The following POU6F1 variants were observed in gnomAD, a reference collection of about 807,000 sequenced individuals.
POU6F1 encodes the protein POU domain, class 6, transcription factor 1.
A neutral mutation model predicts 28.9 loss-of-function variants in POU6F1; 9 were observed. That is an observed-to-expected ratio of 0.31 (90% CI 0.19 to 0.54). The LOEUF (loss-of-function observed/expected upper bound fraction) is 0.54. POU6F1 is among the 20% of genes least tolerant of loss of function. The pLI is 0.94. For synonymous variants in POU6F1, 173 were observed against 171.1 expected (o/e 1.01, Z -0.09); for missense variants, 338 against 426.1 (o/e 0.79, Z 1.82).
At chr12:51,191,843 G>A in intron 9 of POU6F1, 79 bp from the exon 10 acceptor site, 1 of 1,545,780 alleles carries the variant, frequency 6.5e-7, no homozygotes, top group Non-Finnish European at 8.9e-7. Context: ...GGTCTGAACT[G>A]ACGCAGTAGT....
intron 10 of POU6F1, 119 bp downstream of exon 10, chr12:51,191,477 G>C: frequency 8.0e-6 from 10 of 1,243,582 alleles, no homozygotes; most frequent in Non-Finnish European, 1.1e-5. Context: ...TCCTTATCTG[G>C]AAAAAGGCTG....
At chr12:51,204,666 C>T (rs1024193735) in intron 2 of POU6F1, among the ~76,000 whole-genome samples, 2 of 152,192 alleles carry the variant, frequency 1.3e-5, no homozygotes, top group Non-Finnish European at 2.9e-5. Flanking sequence ...TTTGTTCCAT[C>T]TCTTGGACTC....
chr12:51,217,932 G>T lies in POU6F1; in HGVS notation c.-338C>A, dbSNP rs180721442. Among the ~76,000 whole-genome samples the T allele has an allele frequency of 1.8e-4, 28 of 151,764 alleles. No homozygotes were observed. The highest frequency in any genetic ancestry group is 5.9e-4 in the East Asian group (3 of 5,088). On this transcript the variant is annotated 5_prime_UTR_variant, in exon 1 of 11. Transcript: ENST00000333640. This position sits in a 1 kb window ranked among gnomAD's most constrained non-coding sequence, Gnocchi z 5.3. ...GGGAAGCGGGAAGGGGAAGCCGGGTGGGGGGGCGGTCAGGTATATATTTTT... is the reference window on the plus strand; with the variant it reads ...GGGAAGCGGGAAGGGGAAGCCGGGTTGGGGGGCGGTCAGGTATATATTTTT...
Position 51,190,258 on chromosome 12 carries a change from G to C in POU6F1, c.1825C>G (p.Gln609Glu). Residue 609 changes from glutamine (Q) to glutamate (E), a missense_variant, in exon 11 of 11, where the codon CAG (glutamine) becomes GAG (glutamate). Coordinates refer to ENST00000333640, the MANE Select transcript of POU6F1 (RefSeq NM_001330422.2). The surrounding 1 kb of genome is among the most constrained non-coding windows in gnomAD (Gnocchi z 4.5). ...LKNTSKLNVF[Q>E]IP The stretch of plus-strand genomic sequence containing the variant: ...CCAGGGGCTGAGCCCTAAGGGATCT[G>C]AAAGACGTTCAGCTTGCTGGTGTTC... 1.2e-6 allele frequency: 2 copies of C among 1,614,112 alleles called. No individual in the cohort carries two copies. Among genetic ancestry groups the C allele is most frequent in the Non-Finnish European group, 1.7e-6 (2 of 1,179,980 alleles).
At chr12:51,195,430 G>C (rs990335845) in intron 8 of POU6F1, among the ~76,000 whole-genome samples, 3 of 152,186 alleles carry the variant, frequency 2.0e-5, no homozygotes, top group Non-Finnish European at 4.4e-5. Flanking sequence ...TTGTCCCACT[G>C]ACTTGTAATG....
rs899304320 is a variant in POU6F1 at position 51,199,825 on chromosome 12, A to G, written c.288T>C (p.Ile96=). 8 of 399,118 alleles carry G rather than the reference A, an allele frequency of 2.0e-5. No individual in the cohort carries two copies. The highest frequency in any genetic ancestry group is 4.1e-5 in the African/African-American group (2 of 48,612). 24.7% of individuals were successfully genotyped at this position (399,118 alleles called of 1,614,324 possible). Residue 96 remains isoleucine (I), a synonymous_variant, in exon 4 of 11, where the codon ATT becomes ATC. Transcript: ENST00000333640. The surrounding 1 kb of genome is among the most constrained non-coding windows in gnomAD (Gnocchi z 4.1). ...PGIPPSPATA[I]ATFSQAPSQP... Reference sequence around the variant, plus strand: ...GGCTTGGGGCTTGGCTGAAGGTGGCAATGGCAGTGGCAGGGCTCGGAGGGA... The same window carrying G: ...GGCTTGGGGCTTGGCTGAAGGTGGCGATGGCAGTGGCAGGGCTCGGAGGGA...
rs2137138750 is a variant in POU6F1, at chr12:51,198,743, C to T, written c.399G>A (p.Leu133=). 1 of 399,150 alleles carries T rather than the reference C, an allele frequency of 2.5e-6. No individual in the cohort carries two copies. Among genetic ancestry groups the T allele is most frequent in the African/African-American group, 2.1e-5 (1 of 48,740 alleles). The allele number at this position is 399,150 out of a possible 1,614,324, so 24.7% of individuals were successfully genotyped here. A position where few individuals can be genotyped will look rare whatever the true frequency, so the allele number is the denominator to read the frequency against. Residue 133 remains leucine, a synonymous_variant, in exon 5 of 11, where the codon CTG becomes CTA. Transcript: ENST00000333640. The part of the protein sequence containing the change: ...VLTQENLATV[L]TGVMVPAGAV... ...CCCCTGCTGGAACCATAACTCCTGT[C>T]AGAACTGTGGCTAAGTTTTCCTGAG...
chr12:51,205,471 T>A (rs1044550781), intron 2 of POU6F1, among the ~76,000 whole-genome samples: 1 of 152,156 alleles, frequency 6.6e-6, no homozygotes, highest in Non-Finnish European at 1.5e-5. Flanking sequence ...GAACACTCAG[T>A]CTCCCTCCCC....
At chr12:51,202,762 C>T (rs1007855503) in intron 3 of POU6F1, among the ~76,000 whole-genome samples, 2 of 152,258 alleles carry the variant, frequency 1.3e-5, no homozygotes, top group East Asian at 1.9e-4. Flanking sequence ...GAAGCAGGTG[C>T]GTGACTCTAT....
Position 51,198,632 on chromosome 12 carries a change from T to C in POU6F1, c.510A>G (p.Thr170=). ...QQGLAVWTIP[T]ATVAALPGLT... is the part of the protein sequence containing the mutation. ...GTCCTGGGAGGGCAGCCACAGTTGC[T>C]GTAGGAATTGTCCACACGGCCAGCC... The change falls in exon 5 of 11, where the codon ACA becomes ACG. Residue 170 remains threonine, a synonymous_variant. Transcript: ENST00000333640. The C allele has an allele frequency of 5.0e-6, 2 of 399,252 alleles. No homozygotes were observed. Among genetic ancestry groups the C allele is most frequent in the Non-Finnish European group, 8.8e-6 (2 of 226,256 alleles). 24.7% of individuals were successfully genotyped at this position (399,252 alleles called of 1,614,324 possible). A position where few individuals can be genotyped will look rare whatever the true frequency, so the allele number is the denominator to read the frequency against.
Position 51,195,963 on chromosome 12 carries a change from C to A in POU6F1, c.1179+7G>T. 1 of 1,558,998 alleles carries A rather than the reference C, an allele frequency of 6.4e-7. No individual in the cohort carries two copies. Among genetic ancestry groups the A allele is most frequent in the East Asian group, 2.3e-5 (1 of 42,798 alleles). Reference sequence around the variant, plus strand: ...GCCCCACCCCCCACCCCCCCCAGCCCCTGTACCTCACTCTTAGCAGGGGAC... The same window carrying A: ...GCCCCACCCCCCACCCCCCCCAGCCACTGTACCTCACTCTTAGCAGGGGAC... On this transcript the variant is annotated splice_region_variant and intron_variant, in intron 8 of 10. Transcript: ENST00000333640.
In POU6F1 at chr12:51,190,289, C is replaced by T. The variant is rs747910286; in HGVS notation, c.1794G>A (p.Thr598=). ...VRVWFCNRRQ[T]LKNTSKLNVF... ...CGTTCAGCTTGCTGGTGTTCTTGAG[C>T]GTCTGGCGCCGATTGCAGAACCAGA... The change falls in exon 11 of 11, where the codon ACG becomes ACA. Residue 598 remains threonine (T), a synonymous_variant. Transcript: ENST00000333640. This position sits in a 1 kb window ranked among gnomAD's most constrained non-coding sequence, Gnocchi z 4.5. 11 of 1,614,078 alleles carry T rather than the reference C, an allele frequency of 6.8e-6. No individual in the cohort carries two copies. Among genetic ancestry groups the T allele is most frequent in the East Asian group, 2.2e-5 (1 of 44,890 alleles).
At chr12:51,193,801 A>T (rs1592142499) in intron 8 of POU6F1, among the ~76,000 whole-genome samples, 1 of 152,310 alleles carries the variant, frequency 6.6e-6, no homozygotes, top group South Asian at 2.1e-4. Context: ...ATCAGAAGAA[A>T]CTATAAATAT....
At chr12:51,204,452 G>C in intron 2 of POU6F1, 84 bp from the exon 3 acceptor site, 1 of 398,238 alleles carries the variant, frequency 2.5e-6, no homozygotes, top group Non-Finnish European at 4.4e-6. Flanking sequence ...TTTGGGGAGA[G>C]AGGGGAGGGC....
At chr12:51,202,300 A>T (rs1943269170) in intron 3 of POU6F1, 1 of 151,946 alleles carries the variant, frequency 6.6e-6, no homozygotes, top group Non-Finnish European at 1.5e-5. Context: ...GTTAATAATT[A>T]ATTTCCCTCC....
chr12:51,204,563 T>C (rs1943449730), intron 2 of POU6F1, among the ~76,000 whole-genome samples, 195 bp from the exon 3 acceptor site: 1 of 152,128 alleles, frequency 6.6e-6, no homozygotes, highest in Non-Finnish European at 1.5e-5. Context: ...AAGGAGCTGC[T>C]GGAAGAAAGC....
At position 51,217,423 on chromosome 12, in the gene POU6F1, C is replaced by T. The variant is rs1280912181; in HGVS notation, c.-48+219G>A. Among the ~76,000 whole-genome samples the T allele has an allele frequency of 6.6e-6, 1 of 152,012 alleles. No homozygotes were observed. The highest frequency in any genetic ancestry group is 1.5e-5 in the Non-Finnish European group (1 of 67,972). Reference sequence around the variant, plus strand: ...GAGGGCGCGGCCCCCGGGTGTCTAGCCCCAGCTGGGCAACCGCGCGCTGTC... The same window carrying T: ...GAGGGCGCGGCCCCCGGGTGTCTAGTCCCAGCTGGGCAACCGCGCGCTGTC... On this transcript the variant is annotated intron_variant, in intron 1 of 10. Transcript: ENST00000333640. This position sits in a 1 kb window ranked among gnomAD's most constrained non-coding sequence, Gnocchi z 5.3.
intron 2 of POU6F1, among the ~76,000 whole-genome samples, chr12:51,205,991 G>T (rs1943582028): frequency 6.7e-6 from 1 of 149,486 alleles, no homozygotes. Flanking sequence ...GCTAATTTTT[G>T]TATTTTTTGT....
At chr12:51,191,796 T>C in intron 9 of POU6F1, 32 bp from the exon 10 acceptor site, 1 of 1,611,604 alleles carries the variant, frequency 6.2e-7, no homozygotes, top group Non-Finnish European at 8.5e-7. Context: ...GGGATGAGTG[T>C]GTAACATGGG....
Sources: gnomAD v4.1 joint callset for allele counts (sites outside exome capture counted in the v4.1 genomes callset) on GRCh38, gnomAD v4.1.1 for gene constraint, Gnocchi (gnomAD v3.1) non-coding constraint, MANE v1.5 for transcripts, NCBI Gene and HGNC (gene_info 2026-07-23, HGNC 2026-07-21) for gene names.